Variants in MAGI2 observed in about 807,000 individuals in gnomAD.
MAGI2 encodes membrane associated guanylate kinase, WW and PDZ domain containing 2, also known as membrane-associated guanylate kinase, WW and PDZ domain-containing protein 2.
MAGI2 carries 35 observed loss-of-function variants against 133.3 expected under a neutral mutation model. That is an observed-to-expected ratio of 0.26 (90% CI 0.20 to 0.35). The LOEUF is 0.35. Ranked by LOEUF, MAGI2 falls within the 10% of genes least tolerant of loss-of-function variation. The pLI, the probability that MAGI2 is intolerant of heterozygous loss-of-function variation, is 1.00. For synonymous variants in MAGI2, 729 were observed against 710.6 expected (o/e 1.03, Z -0.41); for missense variants, 1,636 against 1,863.4 (o/e 0.88, Z 2.25).
At chr7:79,026,622 C>T (rs1437091863) in intron 1 of MAGI2, among the ~76,000 whole-genome samples, 1 of 151,912 alleles carries the variant, frequency 6.6e-6, no homozygotes, top group Non-Finnish European at 1.5e-5. Context: ...GTCTGTAATC[C>T]AGCACTTTGG....
At chr7:78,983,658 A>T (rs1270829725) in intron 2 of MAGI2, among the ~76,000 whole-genome samples, 1 of 151,970 alleles carries the variant, frequency 6.6e-6, no homozygotes, top group Non-Finnish European at 1.5e-5. Context: ...GCCCTCTAAT[A>T]GTTGATTCTC....
chr7:79,451,394 C>A (rs1247441268), intron 1 of MAGI2, among the ~76,000 whole-genome samples: 1 of 152,178 alleles, frequency 6.6e-6, no homozygotes, highest in African/African-American at 2.4e-5. Flanking sequence ...ATTTTGACAT[C>A]GAACATGTTA....
chr7:78,547,649 ACG>A (rs34376730), intron 3 of MAGI2, among the ~76,000 whole-genome samples: 1 of 152,008 alleles, frequency 6.6e-6, no homozygotes, highest in South Asian at 2.1e-4. Context: ...ATCACAAGGC[ACG>A]CGCGCACACA....
At chr7:78,527,387 T>A (rs569703514) in intron 3 of MAGI2, among the ~76,000 whole-genome samples, 14 of 152,350 alleles carry the variant, frequency 9.2e-5, no homozygotes, top group African/African-American at 3.1e-4. Flanking sequence ...GTATTTTAAG[T>A]TTCTAAAGTG....
chr7:78,993,837 C>T (rs1320646326), intron 2 of MAGI2, among the ~76,000 whole-genome samples: 1 of 151,944 alleles, frequency 6.6e-6, no homozygotes, highest in Non-Finnish European at 1.5e-5. Flanking sequence ...TAATCTTTGA[C>T]ATTGAAAGCA....
intron 7 of MAGI2, among the ~76,000 whole-genome samples, chr7:78,366,302 C>G: frequency 6.6e-6 from 1 of 151,862 alleles, no homozygotes; most frequent in Non-Finnish European, 1.5e-5. Context: ...GAATCTTAAC[C>G]TAGACAGTTT....
chr7:78,657,315 A>C (rs562118534), intron 2 of MAGI2, among the ~76,000 whole-genome samples: 1 of 152,152 alleles, frequency 6.6e-6, no homozygotes, highest in South Asian at 2.1e-4. Flanking sequence ...TAGCAATTAC[A>C]CTCCTTGATA....
intron 6 of MAGI2, among the ~76,000 whole-genome samples, chr7:78,457,351 G>C (rs1437120964): frequency 6.6e-6 from 1 of 152,180 alleles, no homozygotes; most frequent in East Asian, 1.9e-4. Flanking sequence ...TGGAGGAAAA[G>C]ATTAAGAAGT....
chr7:79,271,859 G>C (rs1481933769), intron 1 of MAGI2, among the ~76,000 whole-genome samples: 1 of 151,770 alleles, frequency 6.6e-6, no homozygotes, highest in Non-Finnish European at 1.5e-5. Flanking sequence ...AACACTGATG[G>C]CTGCCCCCTC....
intron 6 of MAGI2, among the ~76,000 whole-genome samples, chr7:78,406,253 C>T (rs1797362559): frequency 6.6e-6 from 1 of 151,966 alleles, no homozygotes; most frequent in South Asian, 2.1e-4. Context: ...TTCCATGCCT[C>T]CAACTCTATT....
chr7:78,701,054 C>T (rs1429398392), intron 2 of MAGI2, among the ~76,000 whole-genome samples: 2 of 151,164 alleles, frequency 1.3e-5, no homozygotes, highest in African/African-American at 4.8e-5. Flanking sequence ...TATTTTGTTT[C>T]TATAACATTG....
At chr7:78,929,731 CT>C (rs1584423782) in intron 2 of MAGI2, among the ~76,000 whole-genome samples, 2 of 152,188 alleles carry the variant, frequency 1.3e-5, no homozygotes, top group Admixed American at 1.3e-4. Flanking sequence ...GATAATCCCC[CT>C]ATCTGAAGAT....
chr7:78,828,240 T>C (rs1227040050), intron 2 of MAGI2, among the ~76,000 whole-genome samples: 1 of 152,190 alleles, frequency 6.6e-6, no homozygotes, highest in African/African-American at 2.4e-5. Flanking sequence ...AGGTACAGTA[T>C]GGCAAAAGGG....
At chr7:78,648,191 G>A (rs1811106107) in intron 2 of MAGI2, among the ~76,000 whole-genome samples, 1 of 152,072 alleles carries the variant, frequency 6.6e-6, no homozygotes, top group Non-Finnish European at 1.5e-5. Context: ...CAAGCTCAAT[G>A]CAGAAAAACA....
At chr7:78,251,333 C>T (rs1254919636) in intron 10 of MAGI2, 2 of 152,166 alleles carry the variant, frequency 1.3e-5, no homozygotes, top group Middle Eastern at 3.2e-3. Context: ...GATGTCTGCT[C>T]ACCTCTCTTG....
chr7:78,563,830 A>G (rs1034275183), intron 3 of MAGI2, among the ~76,000 whole-genome samples: 6 of 152,226 alleles, frequency 3.9e-5, no homozygotes, highest in African/African-American at 1.4e-4. Flanking sequence ...TCAAAATATT[A>G]CGCACTAACG....
intron 9 of MAGI2, among the ~76,000 whole-genome samples, chr7:78,281,755 T>C (rs4730178): frequency 0.16 from 23,761 of 151,572 alleles, 2,408 homozygotes; most frequent in Middle Eastern, 0.28. Flanking sequence ...ATTTTCCAGG[T>C]GATATTTAAC....
At chr7:78,138,223 T>A (rs1471944176) in intron 16 of MAGI2, among the ~76,000 whole-genome samples, 1 of 152,206 alleles carries the variant, frequency 6.6e-6, no homozygotes, top group Non-Finnish European at 1.5e-5. Context: ...GGGTATAGCC[T>A]GCCTCTGAGC....
intron 20 of MAGI2, among the ~76,000 whole-genome samples, chr7:78,106,134 C>T (rs1278301961): frequency 6.6e-6 from 1 of 152,068 alleles, no homozygotes; most frequent in Non-Finnish European, 1.5e-5. Context: ...CTGTACCTGG[C>T]TTATTTCATG....
Sources: gnomAD v4.1 joint callset for allele counts (sites outside exome capture counted in the v4.1 genomes callset) on GRCh38, gnomAD v4.1.1 for gene constraint, MANE v1.5 for transcripts, NCBI Gene and HGNC (gene_info 2026-07-23, HGNC 2026-07-21) for gene names.